VGLL3: variants seen among roughly 807,000 people sequenced by gnomAD.
The protein encoded by VGLL3 is vestigial like family member 3, also known as transcription cofactor vestigial-like protein 3.
Under a neutral mutation model 29.2 loss-of-function variants are expected in VGLL3, and 18 were observed. The observed-to-expected ratio is 0.62, with a 90% CI of 0.43 to 0.91. The LOEUF is 0.91. Among genes scored for constraint, VGLL3 ranks in the 40% least tolerant of loss-of-function variants. VGLL3 has a pLI of 0.00. For synonymous variants in VGLL3, 180 were observed against 151.8 expected (o/e 1.19, Z -1.36); for missense variants, 440 against 413.2 (o/e 1.06, Z -0.56).
At chr3:86,949,015 G>A (rs565573821) in intron 3 of VGLL3, among the ~76,000 whole-genome samples, 1 of 152,182 alleles carries the variant, frequency 6.6e-6, no homozygotes, top group East Asian at 1.9e-4. Context: ...CTCATCCTCT[G>A]TATGACTCAG....
intron 2 of VGLL3, among the ~76,000 whole-genome samples, chr3:86,973,007 G>A (rs977207958): frequency 6.6e-6 from 1 of 151,818 alleles, no homozygotes; most frequent in Non-Finnish European, 1.5e-5. Context: ...GGTATACCAG[G>A]TATTTCTTTC....
At chr3:86,987,197 G>A (rs1309413993) in intron 1 of VGLL3, among the ~76,000 whole-genome samples, 3 of 152,158 alleles carry the variant, frequency 2.0e-5, no homozygotes, top group African/African-American at 7.2e-5. Context: ...AAAAAGAAGA[G>A]TTGAAGTTAT....
rs1013318085 is a variant in VGLL3, at chr3:86,941,956, G to T, written c.*5068C>A. On this transcript the variant is annotated 3_prime_UTR_variant, in exon 4 of 4. Transcript: ENST00000398399. ...GCCAGAGCCATTCACTTTTTTATAG[G>T]TTATATGTTTGTTTTCAACATTCGT... The T allele has an allele frequency of 2.0e-5, 3 of 152,000 alleles. No individual in the cohort carries two copies. Among genetic ancestry groups the T allele is most frequent in the African/African-American group, 7.2e-5 (3 of 41,386 alleles). 9.4% of individuals were successfully genotyped at this position (152,000 alleles called of 1,614,324 possible). A position where few individuals can be genotyped will look rare whatever the true frequency, so the allele number is the denominator to read the frequency against.
chr3:86,973,346 T>C (rs1705144146), intron 2 of VGLL3, among the ~76,000 whole-genome samples: 1 of 152,186 alleles, frequency 6.6e-6, no homozygotes, highest in Non-Finnish European at 1.5e-5. Flanking sequence ...TTAATATCAG[T>C]TAAAAAACAA....
At chr3:86,975,991 G>A (rs1705202976) in intron 2 of VGLL3, among the ~76,000 whole-genome samples, 1 of 152,064 alleles carries the variant, frequency 6.6e-6, no homozygotes, top group South Asian at 2.1e-4. Context: ...GAGGGTCCCT[G>A]TAATCCCAGC....
intron 3 of VGLL3, among the ~76,000 whole-genome samples, chr3:86,959,833 T>A (rs1199178572): frequency 6.6e-6 from 1 of 152,158 alleles, no homozygotes; most frequent in Non-Finnish European, 1.5e-5. Context: ...CTGCAACTAG[T>A]GATTTTTACC....
intron 2 of VGLL3, among the ~76,000 whole-genome samples, chr3:86,973,040 T>G (rs895995449): frequency 4.6e-5 from 7 of 151,538 alleles, no homozygotes; most frequent in Non-Finnish European, 1.0e-4. Flanking sequence ...GTGGGATACT[T>G]TTTACACTGA....
intron 3 of VGLL3, among the ~76,000 whole-genome samples, chr3:86,964,669 T>A (rs1704922376): frequency 6.6e-6 from 1 of 152,144 alleles, no homozygotes; most frequent in Non-Finnish European, 1.5e-5. Context: ...TTTCACCACA[T>A]GAAGTTACAA....
At chr3:86,964,272 G>A (rs1232553202) in intron 3 of VGLL3, among the ~76,000 whole-genome samples, 1 of 152,160 alleles carries the variant, frequency 6.6e-6, no homozygotes, top group Non-Finnish European at 1.5e-5. Flanking sequence ...TGGTAACAGA[G>A]ACCTGTATGG....
intron 1 of VGLL3, 66 bp downstream of exon 1, chr3:86,990,552 C>A: frequency 1.5e-6 from 2 of 1,309,152 alleles, no homozygotes; most frequent in Non-Finnish European, 9.8e-7. Context: ...CGTCGCCGAG[C>A]CCCAGACCGA....
At chr3:86,979,027 G>A (rs574419217) in intron 1 of VGLL3, among the ~76,000 whole-genome samples, 2 of 152,164 alleles carry the variant, frequency 1.3e-5, no homozygotes, top group East Asian at 1.9e-4. Context: ...TTTGGCAAAC[G>A]AACATAAAAG....
chr3:86,964,923 G>T (rs1349967192), intron 3 of VGLL3, among the ~76,000 whole-genome samples: 1 of 152,126 alleles, frequency 6.6e-6, no homozygotes, highest in East Asian at 1.9e-4. Context: ...ACTTTGGGAG[G>T]CCAAGGTGGG....
At chr3:86,977,209 AAAG>A (rs767725172) in intron 2 of VGLL3, among the ~76,000 whole-genome samples, 9 of 152,156 alleles carry the variant, frequency 5.9e-5, no homozygotes, top group East Asian at 1.9e-4. Context: ...CAAAGAAAAA[AAAG>A]AAGGAGAGGA....
rs62257351 is a variant in VGLL3 at position 86,981,001 on chromosome 3, T to A, written c.127-2199A>T. On this transcript the variant is annotated intron_variant, in intron 1 of 3. Coordinates refer to ENST00000398399, the MANE Select transcript of VGLL3 (RefSeq NM_016206.4). ...GCATATAAATGCTTTATTTGTTTAA[T>A]TGTAACATTCATTCTTTAAATAGAA... 8.2e-3 allele frequency among the ~76,000 whole-genome samples: 1,243 copies of A among 152,300 alleles called. 7 individuals carry two copies. The highest frequency in any genetic ancestry group is 0.013 in the Non-Finnish European group (905 of 67,998).
At chr3:86,972,170 AT>A (rs1432925019) in intron 2 of VGLL3, among the ~76,000 whole-genome samples, 4 of 152,198 alleles carry the variant, frequency 2.6e-5, no homozygotes, top group African/African-American at 9.6e-5. Context: ...TTTATCAAAA[AT>A]ATTATTGGTC....
Position 86,946,261 on chromosome 3 carries a change from A to AGCACAG in VGLL3, c.*762_*763insCTGTGC, listed in dbSNP as rs1704504181. On this transcript the variant is annotated 3_prime_UTR_variant, in exon 4 of 4. Coordinates refer to ENST00000398399, the MANE Select transcript of VGLL3 (RefSeq NM_016206.4). ...TTGGGAGAAATCAAAGCAATAAAAT[A>AGCACAG]TCATTTCTTTAGCACAGTCATTAAA... 1 of 152,158 alleles carries AGCACAG rather than the reference A, an allele frequency of 6.6e-6. No homozygotes were observed. The highest frequency in any genetic ancestry group is 6.5e-5 in the Admixed American group (1 of 15,270). 9.4% of individuals were successfully genotyped at this position (152,158 alleles called of 1,614,324 possible).
intron 3 of VGLL3, among the ~76,000 whole-genome samples, chr3:86,950,779 T>C (rs937950343): frequency 7.9e-5 from 12 of 152,184 alleles, no homozygotes; most frequent in Admixed American, 3.3e-4. Context: ...AACTGATGTG[T>C]CTCTCTATAT....
intron 3 of VGLL3, among the ~76,000 whole-genome samples, chr3:86,950,234 T>A (rs554364400): frequency 2.0e-5 from 3 of 152,318 alleles, no homozygotes; most frequent in Non-Finnish European, 4.4e-5. Context: ...CTGTGAGATT[T>A]TTCAGTAGAA....
Position 86,944,091 on chromosome 3 carries a change from T to C in VGLL3, c.*2933A>G, listed in dbSNP as rs946137806. 6.6e-6 allele frequency: 1 copy of C among 152,186 alleles called. No homozygotes were observed. Among genetic ancestry groups the C allele is most frequent in the Non-Finnish European group, 1.5e-5 (1 of 68,024 alleles). 9.4% of individuals were successfully genotyped at this position (152,186 alleles called of 1,614,324 possible). On this transcript the variant is annotated 3_prime_UTR_variant, in exon 4 of 4. Transcript: ENST00000398399. ...TTTTAAACTTGGAATGAATTCAGAA[T>C]ATTATGCTAAATTACAACCCATCCT...
Sources: gnomAD v4.1 joint callset for allele counts (sites outside exome capture counted in the v4.1 genomes callset) on GRCh38, gnomAD v4.1.1 for gene constraint, MANE v1.5 for transcripts, NCBI Gene and HGNC (gene_info 2026-07-23, HGNC 2026-07-21) for gene names.